Variants in CXCR3 observed in about 807,000 individuals in gnomAD.
The protein encoded by CXCR3 is C-X-C motif chemokine receptor 3.
For missense variants in CXCR3, 239 were observed against 310.2 expected, an observed-to-expected ratio of 0.77 and a Z score of 1.72; for synonymous variants, 136 against 148.0, an observed-to-expected ratio of 0.92 and a Z score of 0.59.
rs747049805 is a variant in CXCR3 at position 71,617,255 on chromosome X, C to T, written c.217G>A (p.Ala73Thr). Residue 73 changes from alanine to threonine, a missense_variant, in exon 2 of 2, where the codon GCG becomes ACG. By Grantham distance (58) the Ala-to-Thr change is moderately conservative. Transcript: ENST00000373693. ...LFLLGLLGNGAVAAVLLSRRT... is the reference protein window; with the variant it reads ...LFLLGLLGNGTVAAVLLSRRT... The stretch of plus-strand genomic sequence containing the variant: ...CGGCTCAGCAGCACGGCTGCCACCG[C>T]GCCGTTGCCCAGCAGCCCCAGCAGA... 7 of 1,196,112 alleles carry T rather than the reference C, an allele frequency of 5.9e-6. No homozygotes were observed. The highest frequency in any genetic ancestry group is 1.8e-5 in the African/African-American group (1 of 57,093).
intron 1 of CXCR3, among the ~76,000 whole-genome samples, chrX:71,618,088 A>C (rs2040868505): frequency 2.1e-5 from 2 of 97,013 alleles, no homozygotes; most frequent in Middle Eastern, 5.5e-3. Flanking sequence ...TTATCCCCTC[A>C]CCCCCAGCAC....
At position 71,616,942 on chromosome X, in the gene CXCR3, C is replaced by A; in HGVS notation, c.530G>T (p.Gly177Val). The A allele has an allele frequency of 8.3e-7, 1 of 1,208,103 alleles. No homozygotes were observed. Among genetic ancestry groups the A allele is most frequent in the Non-Finnish European group, 1.1e-6 (1 of 893,543 alleles). The change falls in exon 2 of 2, where the codon GGG (glycine) becomes GTG (valine). Residue 177 changes from glycine (G) to valine (V), a missense_variant. Coordinates refer to ENST00000373693, the MANE Select transcript of CXCR3 (RefSeq NM_001504.2). ...TGGGAGGGCGAAAAGCAGGCAGAGCCCCCAGACAGCCAGGCAGGTGAGGGT... is the reference window on the plus strand; with the variant it reads ...TGGGAGGGCGAAAAGCAGGCAGAGCACCCAGACAGCCAGGCAGGTGAGGGT... ...RVTLTCLAVW[G>V]LCLLFALPDF...
chrX:71,616,601 C>T lies in CXCR3; in HGVS notation c.871G>A (p.Gly291Ser). The change falls in exon 2 of 2, where the codon GGC becomes AGC. Residue 291 changes from glycine to serine, a missense_variant. Gly to Ser is a moderately conservative substitution (Grantham distance 56). Transcript: ENST00000373693. ...MDLGALARNC[G>S]RESRVDVAKS... is the part of the protein sequence containing the mutation. ...GCCACGTCTACCCTGCTTTCTCGGC[C>T]ACAGTTGCGGGCCAAAGCGCCCAGG... 1 of 1,212,118 alleles carries T rather than the reference C, an allele frequency of 8.3e-7. No individual in the cohort carries two copies. Among genetic ancestry groups the T allele is most frequent in the Non-Finnish European group, 1.1e-6 (1 of 895,594 alleles).
Position 71,617,041 on chromosome X carries a change from C to T in CXCR3, c.431G>A (p.Cys144Tyr). 1 of 1,205,466 alleles carries T rather than the reference C, an allele frequency of 8.3e-7. No homozygotes were observed. The highest frequency in any genetic ancestry group is 1.1e-6 in the Non-Finnish European group (1 of 891,845). ...GTTCAGGTAGCGGTCAAAGCTGATGCAGGCCAGCAGGAGGGCTCCTGCGTA... is the reference window on the plus strand; with the variant it reads ...GTTCAGGTAGCGGTCAAAGCTGATGTAGGCCAGCAGGAGGGCTCCTGCGTA... ...NFYAGALLLA[C>Y]ISFDRYLNIV... Residue 144 changes from cysteine (C) to tyrosine (Y), a missense_variant, in exon 2 of 2, where the codon TGC becomes TAC. Coordinates refer to ENST00000373693, the MANE Select transcript of CXCR3 (RefSeq NM_001504.2).
Position 71,617,200 on chromosome X carries a change from A to C in CXCR3, c.272T>G (p.Phe91Cys). The change falls in exon 2 of 2, where the codon TTC (phenylalanine) becomes TGC (cysteine). Residue 91 changes from phenylalanine to cysteine, a missense_variant. Physicochemically the swap from Phe to Cys is radical, Grantham distance 205. Transcript: ENST00000373693. ...RRTALSSTDT[F>C]LLHLAVADTL... Reference sequence around the variant, plus strand: ...GTCTGCTACAGCTAGGTGGAGCAGGAAGGTGTCGGTGCTGCTCAGGGCTGT... The same window carrying C: ...GTCTGCTACAGCTAGGTGGAGCAGGCAGGTGTCGGTGCTGCTCAGGGCTGT... 1 of 1,205,068 alleles carries C rather than the reference A, an allele frequency of 8.3e-7. No homozygotes were observed. Among genetic ancestry groups the C allele is most frequent in the Non-Finnish European group, 1.1e-6 (1 of 892,216 alleles).
rs1034304973 is a variant in CXCR3, at chrX:71,618,316, C to T, written c.12+122G>A. 3.6e-5 allele frequency: 40 copies of T among 1,125,234 alleles called. No homozygotes were observed. In the Admixed American group the frequency reaches 3.9e-4, roughly 11 times the overall value. 92.7% of individuals were successfully genotyped at this position (1,125,234 alleles called of 1,213,427 possible). A position where few individuals can be genotyped will look rare whatever the true frequency, so the allele number is the denominator to read the frequency against. The stretch of plus-strand genomic sequence containing the variant: ...GCTGTTTCTGCCACAACCCATGCGG[C>T]CTCCAGCTACTCACCCAACCCTGTG... On this transcript the variant is annotated intron_variant, in intron 1 of 1. Transcript: ENST00000373693.
Position 71,616,246 on chromosome X carries a change from G to A in CXCR3, c.*119C>T. ...TCCCGGGAGACCTGGTGGTGCTGGG[G>A]CTGCCAGTGAGTCCCGGGAGCGAGG... On this transcript the variant is annotated 3_prime_UTR_variant, in exon 2 of 2. Coordinates refer to ENST00000373693, the MANE Select transcript of CXCR3 (RefSeq NM_001504.2). 1.0e-6 allele frequency: 1 copy of A among 993,313 alleles called. No homozygotes were observed. 81.9% of individuals were successfully genotyped at this position (993,313 alleles called of 1,213,427 possible). A position where few individuals can be genotyped will look rare whatever the true frequency, so the allele number is the denominator to read the frequency against.
Position 71,616,899 on chromosome X carries a change from C to T in CXCR3, c.573G>A (p.Ser191=), listed in dbSNP as rs148752439. The T allele has an allele frequency of 2.5e-4, 304 of 1,205,023 alleles. No individual in the cohort carries two copies. The highest frequency in any genetic ancestry group is 3.3e-4 in the Non-Finnish European group (293 of 891,968). Reference sequence around the variant, plus strand: ...CGTTGAGGCGCTCGTCGTGGTGGGCCGACAGGAAGATGAAGTCTGGGAGGG... The same window carrying T: ...CGTTGAGGCGCTCGTCGTGGTGGGCTGACAGGAAGATGAAGTCTGGGAGGG... ...LFALPDFIFL[S]AHHDERLNAT... The change falls in exon 2 of 2, where the codon TCG becomes TCA. Residue 191 remains serine (S), a synonymous_variant. Coordinates refer to ENST00000373693, the MANE Select transcript of CXCR3 (RefSeq NM_001504.2).
chrX:71,616,049 G>C lies in CXCR3; in HGVS notation c.*316C>G, dbSNP rs1366355278. ...CTGGAGGCCTGGGCTGTGGCTTCAT[G>C]GGGCAGCACCCTCTACGCCATGCCT... On this transcript the variant is annotated 3_prime_UTR_variant, in exon 2 of 2. Coordinates refer to ENST00000373693, the MANE Select transcript of CXCR3 (RefSeq NM_001504.2). 7.8e-6 allele frequency: 2 copies of C among 257,310 alleles called. No homozygotes were observed. The highest frequency in any genetic ancestry group is 1.4e-5 in the Non-Finnish European group (2 of 146,352). The allele number at this position is 257,310 out of a possible 1,213,427, so 21.2% of individuals were successfully genotyped here. A position where few individuals can be genotyped will look rare whatever the true frequency, so the allele number is the denominator to read the frequency against.
chrX:71,618,306 AC>A, intron 1 of CXCR3, 131 bp downstream of exon 1: 1 of 1,081,286 alleles, frequency 9.2e-7, no homozygotes, highest in South Asian at 1.9e-5. Context: ...TTCTGCCACA[AC>A]CCATGCGGCC....
intron 1 of CXCR3, chrX:71,617,809 ACC>A: frequency 1.6e-6 from 1 of 609,862 alleles, no homozygotes; most frequent in Non-Finnish European, 2.3e-6. Flanking sequence ...TCAGTGCCCC[ACC>A]CCCAACACAT....
chrX:71,616,727 G>T lies in CXCR3; in HGVS notation c.745C>A (p.Arg249=). ...LAVLLVSRGQ[R]RLRAMRLVVV... is the part of the protein sequence containing the mutation. The stretch of plus-strand genomic sequence containing the variant: ...ACCAGCCGCATGGCCCGCAGGCGCC[G>T]CTGGCCCCTGGAAACCAGCAGCACG... Residue 249 remains arginine (R), a synonymous_variant, in exon 2 of 2, where the codon CGG becomes AGG. Transcript: ENST00000373693. The T allele has an allele frequency of 8.3e-7, 1 of 1,206,975 alleles. No individual in the cohort carries two copies. The highest frequency in any genetic ancestry group is 1.1e-6 in the Non-Finnish European group (1 of 892,971).
At position 71,617,118 on chromosome X, in the gene CXCR3, G is replaced by T; in HGVS notation, c.354C>A (p.Val118=). 8.3e-7 allele frequency: 1 copy of T among 1,203,373 alleles called. No individual in the cohort carries two copies. Among genetic ancestry groups the T allele is most frequent in the Non-Finnish European group, 1.1e-6 (1 of 889,443 alleles). ...CCACTTTGCAGAGGCCAGAGCCAAA[G>T]ACCCACTGGACGGCAGCGTCCACTG... ...LWAVDAAVQW[V]FGSGLCKVAG... The change falls in exon 2 of 2, where the codon GTC becomes GTA. Residue 118 remains valine, a synonymous_variant. Transcript: ENST00000373693.
At position 71,617,319 on chromosome X, in the gene CXCR3, G is replaced by A. The variant is rs979567476; in HGVS notation, c.153C>T (p.Phe51=). Residue 51 remains phenylalanine, a synonymous_variant, in exon 2 of 2, where the codon TTC becomes TTT. Transcript: ENST00000373693. The part of the protein sequence containing the change: ...PPCPQDFSLN[F]DRAFLPALYS... ...AGAGGGCTGGCAGGAAGGCCCGGTC[G>A]AAGTTCAGGCTGAAGTCCTGTGGGC... is the stretch of plus-strand genomic sequence containing the variant. 1.7e-6 allele frequency: 2 copies of A among 1,209,963 alleles called. No homozygotes were observed. The highest frequency in any genetic ancestry group is 2.2e-6 in the Non-Finnish European group (2 of 894,606).
chrX:71,617,250 C>A lies in CXCR3; in HGVS notation c.222G>T (p.Val74=). 1 of 1,197,953 alleles carries A rather than the reference C, an allele frequency of 8.3e-7. No homozygotes were observed. Among genetic ancestry groups the A allele is most frequent in the South Asian group, 1.8e-5 (1 of 55,207 alleles). Residue 74 remains valine (V), a synonymous_variant, in exon 2 of 2, where the codon GTG becomes GTT. Transcript: ENST00000373693. ...FLLGLLGNGA[V]AAVLLSRRTA... ...TCCGCCGGCTCAGCAGCACGGCTGCCACCGCGCCGTTGCCCAGCAGCCCCA... is the reference window on the plus strand; with the variant it reads ...TCCGCCGGCTCAGCAGCACGGCTGCAACCGCGCCGTTGCCCAGCAGCCCCA...
rs370008944 is a variant in CXCR3, at chrX:71,616,360, C to T, written c.*5G>A. 20 of 1,172,140 alleles carry T rather than the reference C, an allele frequency of 1.7e-5. No individual in the cohort carries two copies. Among genetic ancestry groups the T allele is most frequent in the African/African-American group, 7.1e-5 (4 of 56,212 alleles). Reference sequence around the variant, plus strand: ...GTGGGCGAAAGGGGAGCCCGGATTCCGGCCTCACAAGCCCGAGTAGGAGGC... The same window carrying T: ...GTGGGCGAAAGGGGAGCCCGGATTCTGGCCTCACAAGCCCGAGTAGGAGGC... On this transcript the variant is annotated 3_prime_UTR_variant, in exon 2 of 2. Coordinates refer to ENST00000373693, the MANE Select transcript of CXCR3 (RefSeq NM_001504.2).
At position 71,616,191 on chromosome X, in the gene CXCR3, G is replaced by T; in HGVS notation, c.*174C>A. The T allele has an allele frequency of 3.2e-6, 2 of 630,510 alleles. No individual in the cohort carries two copies. Among genetic ancestry groups the T allele is most frequent in the Non-Finnish European group, 2.3e-6 (1 of 440,145 alleles). The allele number at this position is 630,510 out of a possible 1,213,427, so 52.0% of individuals were successfully genotyped here. ...GGCTTGGCAGCTAAGGAGCAGCAAT[G>T]GTGCAGTCCTCAGAGCTGGGAGGGT... is the stretch of plus-strand genomic sequence containing the variant. On this transcript the variant is annotated 3_prime_UTR_variant, in exon 2 of 2. Transcript: ENST00000373693.
intron 1 of CXCR3, among the ~76,000 whole-genome samples, chrX:71,617,948 C>G (rs1335364699): frequency 1.1e-5 from 1 of 87,605 alleles, no homozygotes; most frequent in East Asian, 4.6e-4. Flanking sequence ...CGTGTGGCCT[C>G]TCTACAAGTC....
Position 71,616,449 on chromosome X carries a change from C to T in CXCR3, c.1023G>A (p.Gln341=). 8.3e-7 allele frequency: 1 copy of T among 1,211,299 alleles called. No individual in the cohort carries two copies. Among genetic ancestry groups the T allele is most frequent in the Non-Finnish European group, 1.1e-6 (1 of 895,209 alleles). ...ACGATGGCTGCCTCTGGAGCCCTCT[C>T]TGGTTGGGGCAGCCCAGGCGCAAGA... The part of the protein sequence containing the change: ...MLLLRLGCPN[Q]RGLQRQPSSS... The change falls in exon 2 of 2, where the codon CAG becomes CAA. Residue 341 remains glutamine (Q), a synonymous_variant. Coordinates refer to ENST00000373693, the MANE Select transcript of CXCR3 (RefSeq NM_001504.2).
Sources: gnomAD v4.1 joint callset for allele counts (sites outside exome capture counted in the v4.1 genomes callset) on GRCh38, gnomAD v4.1.1 for gene constraint, MANE v1.5 for transcripts, NCBI Gene and HGNC (gene_info 2026-07-23, HGNC 2026-07-21) for gene names.